TYW1B: variants seen among roughly 807,000 people sequenced by gnomAD.
TYW1B encodes tRNA-yW synthesizing protein 1 homolog B.
A neutral mutation model predicts 86.9 loss-of-function variants in TYW1B; 73 were observed. The observed-to-expected ratio is 0.84, with a 90% CI of 0.70 to 1.02. The LOEUF (loss-of-function observed/expected upper bound fraction) is 1.02. Ranked by LOEUF, TYW1B falls within the 50% of genes least tolerant of loss-of-function variation. TYW1B has a pLI of 0.00. For missense variants in TYW1B, 637 were observed against 827.4 expected (o/e 0.77, Z 2.82); for synonymous variants, 248 against 292.8 (o/e 0.85, Z 1.56).
intron 13 of TYW1B, among the ~76,000 whole-genome samples, chr7:72,614,555 G>A (rs1288394466): frequency 4.3e-4 from 66 of 151,936 alleles, no homozygotes; most frequent in African/African-American, 1.6e-3. Flanking sequence ...ATCGCTTGAA[G>A]GGAGGAGGCA....
At chr7:72,800,425 C>G (rs1413634188) in intron 6 of TYW1B, among the ~76,000 whole-genome samples, 1 of 152,010 alleles carries the variant, frequency 6.6e-6, no homozygotes, top group Non-Finnish European at 1.5e-5. Flanking sequence ...TCCCAAACTT[C>G]TGGCCTCAAG....
chr7:72,660,308 A>T (rs1813298511), intron 11 of TYW1B, among the ~76,000 whole-genome samples: 1 of 152,168 alleles, frequency 6.6e-6, no homozygotes, highest in Non-Finnish European at 1.5e-5. Context: ...CAGGAGATCG[A>T]GGCTGCAGTG....
At position 72,634,559 on chromosome 7, in the gene TYW1B, G is replaced by A. The variant is rs536129954; in HGVS notation, c.1507-5562C>T. 2.0e-3 allele frequency among the ~76,000 whole-genome samples: 305 copies of A among 150,118 alleles called. 1 individual carries two copies. Among genetic ancestry groups the A allele is most frequent in the African/African-American group, 7.2e-3 (292 of 40,302 alleles). ...CCTAAATATGGACATGCTGGGTCAT[G>A]GGGGATATGTATACATTCGACCTTA... On this transcript the variant is annotated intron_variant, in intron 11 of 13. Coordinates refer to ENST00000620995, the MANE Select transcript of TYW1B (RefSeq NM_001145440.3).
At chr7:72,670,708 A>T (rs1463116449) in intron 11 of TYW1B, among the ~76,000 whole-genome samples, 2 of 152,120 alleles carry the variant, frequency 1.3e-5, no homozygotes, top group Admixed American at 6.5e-5. Flanking sequence ...ACAAACACGA[A>T]CTCTAAAAAT....
At chr7:72,749,442 C>G (rs1554464480) in intron 7 of TYW1B, among the ~76,000 whole-genome samples, 1 of 152,038 alleles carries the variant, frequency 6.6e-6, no homozygotes, top group African/African-American at 2.4e-5. Context: ...TACAGGCACC[C>G]ACCACCAAGC....
chr7:72,686,842 ATTTTG>A (rs1417369135), intron 11 of TYW1B, among the ~76,000 whole-genome samples: 8 of 152,110 alleles, frequency 5.3e-5, no homozygotes, highest in Non-Finnish European at 8.8e-5. Flanking sequence ...CCTCTGCTCA[ATTTTG>A]TTTTGAGTCT....
At position 72,598,001 on chromosome 7, in the gene TYW1B, C is replaced by T. The variant is rs192590168; in HGVS notation, c.1785+18671G>A. Among the ~76,000 whole-genome samples, 573 of 152,272 alleles carry T rather than the reference C, an allele frequency of 3.8e-3. 2 individuals carry two copies. Among genetic ancestry groups the T allele is most frequent in the South Asian group, 6.0e-3 (29 of 4,814 alleles). ...CAGATTAATCTCATGAGGACAGATT[C>T]GCACATGATGGTTAATATTGAGTGT... On this transcript the variant is annotated intron_variant, in intron 13 of 13. Transcript: ENST00000620995.
chr7:72,776,245 T>C (rs1274573124), intron 7 of TYW1B, among the ~76,000 whole-genome samples: 1 of 152,164 alleles, frequency 6.6e-6, no homozygotes. Flanking sequence ...CTTCTACACA[T>C]TAAGTGAGAT....
chr7:72,807,021 A>G (rs1554476808), intron 5 of TYW1B, 45 bp downstream of exon 5: 1 of 1,586,992 alleles, frequency 6.3e-7, no homozygotes, highest in Non-Finnish European at 8.6e-7. Context: ...GAGATCTCCA[A>G]GCAGAGGGGG....
intron 9 of TYW1B, among the ~76,000 whole-genome samples, chr7:72,719,154 A>AC (rs1441758247): frequency 6.8e-6 from 1 of 146,416 alleles, no homozygotes; most frequent in Non-Finnish European, 1.5e-5. Flanking sequence ...AATTATTATT[A>AC]TTTTTTTTTT....
chr7:72,695,170 C>G (rs1368433752), intron 10 of TYW1B, among the ~76,000 whole-genome samples: 1 of 152,218 alleles, frequency 6.6e-6, no homozygotes, highest in Admixed American at 6.5e-5. Flanking sequence ...TCTGATCTAA[C>G]TTTCCCACCC....
At chr7:72,798,929 C>T (rs1554475096) in intron 6 of TYW1B, among the ~76,000 whole-genome samples, 2 of 152,098 alleles carry the variant, frequency 1.3e-5, no homozygotes, top group Non-Finnish European at 2.9e-5. Flanking sequence ...GTGAGAAATT[C>T]TTATTCATGT....
chr7:72,734,059 C>G (rs1388203502), intron 8 of TYW1B, among the ~76,000 whole-genome samples: 2 of 151,912 alleles, frequency 1.3e-5, no homozygotes, highest in Non-Finnish European at 2.9e-5. Flanking sequence ...GAGTTCAAGA[C>G]CAGCCTGGCC....
At chr7:72,772,270 T>C (rs1403245679) in intron 7 of TYW1B, among the ~76,000 whole-genome samples, 1 of 152,102 alleles carries the variant, frequency 6.6e-6, no homozygotes, top group East Asian at 1.9e-4. Flanking sequence ...ACACATAAAC[T>C]TGACCAAAAA....
At position 72,777,443 on chromosome 7, in the gene TYW1B, C is replaced by G. The variant is rs2129572043; in HGVS notation, c.937G>C (p.Ala313Pro). The change falls in exon 7 of 14, where the codon GCT becomes CCT. Residue 313 changes from alanine (A) to proline (P), a missense_variant. Ala to Pro is a conservative substitution (Grantham distance 27). Coordinates refer to ENST00000620995, the MANE Select transcript of TYW1B (RefSeq NM_001145440.3). ...DGERRAMITP[A>P]LREALTKQVD... ...TGTTTAGTAAGGGCTTCTCGGAGAG[C>G]AGGAGTTATCATAGCTCTTCTTTCA... 1 of 1,614,090 alleles carries G rather than the reference C, an allele frequency of 6.2e-7. No individual in the cohort carries two copies. Among genetic ancestry groups the G allele is most frequent in the South Asian group, 1.1e-5 (1 of 91,080 alleles).
chr7:72,576,339 C>A lies in TYW1B; in HGVS notation c.1786-620G>T, dbSNP rs1335419513. On this transcript the variant is annotated intron_variant, in intron 13 of 13. Coordinates refer to ENST00000620995, the MANE Select transcript of TYW1B (RefSeq NM_001145440.3). ...CTCAAAAGTCACGGTAGAATAATGA[C>A]CTGGAATGAAGAAAACAGAAAGAAA... Among the ~76,000 whole-genome samples, 3 of 152,050 alleles carry A rather than the reference C, an allele frequency of 2.0e-5. No individual in the cohort carries two copies. The East Asian group carries it at 5.8e-4, about 29-fold the overall frequency.
chr7:72,739,488 C>T (rs1554461671), intron 8 of TYW1B, among the ~76,000 whole-genome samples: 1 of 151,716 alleles, frequency 6.6e-6, no homozygotes, highest in African/African-American at 2.4e-5. Context: ...CACCTGTAAT[C>T]CCAGCTATTC....
At chr7:72,607,360 C>T (rs1811823782) in intron 13 of TYW1B, among the ~76,000 whole-genome samples, 1 of 141,078 alleles carries the variant, frequency 7.1e-6, no homozygotes, top group Admixed American at 7.6e-5. Flanking sequence ...CCACTGGATT[C>T]CAGCCTGGAT....
intron 2 of TYW1B, among the ~76,000 whole-genome samples, chr7:72,818,596 A>AG (rs1788770043): frequency 6.6e-6 from 1 of 151,370 alleles, no homozygotes; most frequent in African/African-American, 2.4e-5. Context: ...AAAAAAAAAA[A>AG]AAAAAGGAAA....
Sources: allele counts gnomAD v4.1 joint callset (sites outside exome capture counted in the v4.1 genomes callset), GRCh38; gene constraint gnomAD v4.1.1; transcripts MANE v1.5; gene names NCBI Gene and HGNC (gene_info 2026-07-23, HGNC 2026-07-21).